Variants in IPO5 observed in about 807,000 individuals in gnomAD.
IPO5 encodes the protein importin 5, also known as importin-5.
A neutral mutation model predicts 143.3 loss-of-function variants in IPO5; 18 were observed. That is an observed-to-expected ratio of 0.13 (90% CI 0.09 to 0.19). The LOEUF is 0.19. Ranked by LOEUF, IPO5 falls within the 10% of genes least tolerant of loss-of-function variation. The pLI, the probability that IPO5 is intolerant of heterozygous loss-of-function variation, is 1.00. For missense variants in IPO5, 1,013 were observed against 1,336.9 expected (o/e 0.76, Z 3.78); for synonymous variants, 477 against 465.7 (o/e 1.02, Z -0.31).
chr13:97,973,669 C>G (rs776526482), intron 3 of IPO5, among the ~76,000 whole-genome samples: 25 of 152,316 alleles, frequency 1.6e-4, no homozygotes, highest in Admixed American at 1.0e-3. Context: ...TAAAATAAGG[C>G]TGGGCTGTGA....
intron 17 of IPO5, 27 bp from the exon 18 acceptor site, chr13:98,008,032 A>C (rs1889411594): frequency 6.8e-7 from 1 of 1,470,856 alleles, no homozygotes; most frequent in South Asian, 1.2e-5. Flanking sequence ...GGTATCAACA[A>C]GTGTGTCTCT....
chr13:98,014,107 G>A lies in IPO5; in HGVS notation c.2218G>A (p.Glu740Lys). The A allele has an allele frequency of 6.2e-7, 1 of 1,614,022 alleles. No homozygotes were observed. Among genetic ancestry groups the A allele is most frequent in the African/African-American group, 1.3e-5 (1 of 75,026 alleles). The change falls in exon 22 of 29, where the codon GAG (glutamate) becomes AAG (lysine). Residue 740 changes from glutamate to lysine, a missense_variant. Physicochemically the swap from Glu to Lys is moderately conservative, Grantham distance 56. Coordinates refer to ENST00000651721, the MANE Select transcript of IPO5 (RefSeq NM_002271.6). ...LLECARVRGP[E>K]YLTQMWHFMC... ...GGAGTGTGCAAGAGTCCGTGGTCCTGAGTATCTCACACAGATGTGGCATTT... is the reference window on the plus strand; with the variant it reads ...GGAGTGTGCAAGAGTCCGTGGTCCTAAGTATCTCACACAGATGTGGCATTT...
At chr13:97,990,594 T>G (rs1594077888) in intron 9 of IPO5, 57 bp downstream of exon 9, 2 of 937,276 alleles carry the variant, frequency 2.1e-6, no homozygotes, top group Non-Finnish European at 1.6e-6. Flanking sequence ...CTTTAATGCA[T>G]TCAATCATTT....
chr13:97,982,333 A>G (rs1289564656), intron 4 of IPO5, among the ~76,000 whole-genome samples, 170 bp from the exon 5 acceptor site: 1 of 152,240 alleles, frequency 6.6e-6, no homozygotes, highest in Non-Finnish European at 1.5e-5. Context: ...AACCCTTTGG[A>G]CATCTCTTCC....
chr13:97,980,494 C>G (rs144147150), intron 4 of IPO5, among the ~76,000 whole-genome samples: 4 of 152,098 alleles, frequency 2.6e-5, no homozygotes, highest in African/African-American at 9.7e-5. Context: ...GAGTAGGGAG[C>G]CTCAGGATTT....
At chr13:97,981,430 C>T in intron 4 of IPO5, 1 of 319,076 alleles carries the variant, frequency 3.1e-6, no homozygotes, top group Non-Finnish European at 6.1e-6. Context: ...GCCTTTATTT[C>T]CTTATCTGTT....
At chr13:97,984,023 G>A (rs1887109522) in intron 5 of IPO5, among the ~76,000 whole-genome samples, 1 of 116,208 alleles carries the variant, frequency 8.6e-6, no homozygotes, top group African/African-American at 3.3e-5. Context: ...CTGTCGCCCA[G>A]GCTGGAGTGC....
intron 6 of IPO5, among the ~76,000 whole-genome samples, chr13:97,986,298 T>C (rs1566496324): frequency 6.6e-6 from 1 of 152,290 alleles, no homozygotes; most frequent in East Asian, 1.9e-4. Flanking sequence ...CTTTTGCTGT[T>C]GTATATGTGT....
In IPO5 at chr13:98,009,839, C is replaced by G. The variant is rs1246579718; in HGVS notation, c.1801-42C>G. On this transcript the variant is annotated intron_variant, in intron 18 of 28. Transcript: ENST00000651721. ...AATGGCTTTCTTTATCACGTTTACC[C>G]ATTGTTTTTTAATCTATTTTAATTT... is the stretch of plus-strand genomic sequence containing the variant. The G allele has an allele frequency of 2.8e-6, 4 of 1,442,754 alleles. No individual in the cohort carries two copies. The Admixed American group carries it at 8.4e-5, about 30-fold the overall frequency. 89.4% of individuals were successfully genotyped at this position (1,442,754 alleles called of 1,614,324 possible). A position where few individuals can be genotyped will look rare whatever the true frequency, so the allele number is the denominator to read the frequency against.
chr13:97,998,227 G>A (rs993426671), intron 12 of IPO5, among the ~76,000 whole-genome samples: 2 of 152,142 alleles, frequency 1.3e-5, no homozygotes, highest in Non-Finnish European at 2.9e-5. Flanking sequence ...CGCCCGCCTC[G>A]GCCTCCCAAA....
intron 21 of IPO5, among the ~76,000 whole-genome samples, chr13:98,013,223 T>C (rs1276418111): frequency 2.0e-5 from 3 of 152,074 alleles, no homozygotes; most frequent in Admixed American, 2.0e-4. Context: ...GCCCAGCTAA[T>C]TTTTTGTATT....
intron 20 of IPO5, among the ~76,000 whole-genome samples, chr13:98,011,028 G>T (rs1256699760): frequency 2.0e-5 from 3 of 151,616 alleles, no homozygotes; most frequent in Non-Finnish European, 4.4e-5. Context: ...TGATCCGCCT[G>T]CCATGACCTG....
Position 98,014,194 on chromosome 13 carries a change from A to G in IPO5, c.2305A>G (p.Ile769Val). The change falls in exon 22 of 29, where the codon ATA becomes GTA. Residue 769 changes from isoleucine (I) to valine (V), a missense_variant. Physicochemically the swap from Ile to Val is conservative, Grantham distance 29. Around this residue, in one of 2 missense-constraint regions of IPO5, gnomAD observed 685 missense variants for 994.9 expected, o/e 0.69. Transcript: ENST00000651721. ...TEPDSDVLSE[I>V]MHSFAKCIEV... ...ACCAGATTCAGACGTCCTCTCAGAA[A>G]TAATGCATTCTTTTGCAAAGGTGAA... 6.2e-7 allele frequency: 1 copy of G among 1,610,862 alleles called. No homozygotes were observed. Among genetic ancestry groups the G allele is most frequent in the Non-Finnish European group, 8.5e-7 (1 of 1,178,066 alleles).
At chr13:98,010,956 T>C (rs138955677) in intron 20 of IPO5, among the ~76,000 whole-genome samples, 5,377 of 151,482 alleles carry the variant, frequency 0.035, 133 homozygotes, top group Middle Eastern at 0.065. Context: ...ACTTTTTGTA[T>C]TTTTAGTAGA....
In IPO5 at chr13:98,002,680, C is replaced by G. The variant is rs1888907542; in HGVS notation, c.1234-4C>G. The stretch of plus-strand genomic sequence containing the variant: ...TTTTACTAATGAAAGGGAACATTTT[C>G]CAGCATCCAAGAGTAAGGTATGCAG... On this transcript the variant is annotated splice_region_variant and splice_polypyrimidine_tract_variant and intron_variant, in intron 14 of 28. Transcript: ENST00000651721. 3 of 1,607,340 alleles carry G rather than the reference C, an allele frequency of 1.9e-6. No individual in the cohort carries two copies. In the African/African-American group the frequency reaches 4.0e-5, roughly 22 times the overall value.
At chr13:97,972,843 T>C (rs1266959046) in intron 3 of IPO5, among the ~76,000 whole-genome samples, 1 of 151,920 alleles carries the variant, frequency 6.6e-6, no homozygotes, top group East Asian at 2.0e-4. Flanking sequence ...ATCCCCATTT[T>C]ATAGATGAGA....
At position 98,019,188 on chromosome 13, in the gene IPO5, G is replaced by A. The variant is rs769338703; in HGVS notation, c.2837-393G>A. Among the ~76,000 whole-genome samples, 17 of 152,062 alleles carry A rather than the reference G, an allele frequency of 1.1e-4. No homozygotes were observed. In the East Asian group the frequency reaches 1.2e-3, roughly 10 times the overall value. ...AGGATGGTCTCGATCTCCTGACCTCGTGATCGGCCCACCTCAGCCTCCCAA... is the reference window on the plus strand; with the variant it reads ...AGGATGGTCTCGATCTCCTGACCTCATGATCGGCCCACCTCAGCCTCCCAA... On this transcript the variant is annotated intron_variant, in intron 26 of 28. Transcript: ENST00000651721.
intron 3 of IPO5, chr13:97,975,986 C>G: frequency 1.0e-6 from 1 of 984,724 alleles, no homozygotes; most frequent in Non-Finnish European, 1.2e-6. Flanking sequence ...GCGAGAAGTC[C>G]GTGAGTAGAA....
intron 21 of IPO5, among the ~76,000 whole-genome samples, chr13:98,013,083 G>A (rs1889846734): frequency 6.6e-6 from 1 of 151,970 alleles, no homozygotes; most frequent in African/African-American, 2.4e-5. Context: ...TTGACACAGG[G>A]TCTCACTCTG....
Sources: gnomAD v4.1 joint callset for allele counts (sites outside exome capture counted in the v4.1 genomes callset) on GRCh38, gnomAD v4.1.1 for gene constraint, gnomAD v4.1.1 regional missense constraint, MANE v1.5 for transcripts, NCBI Gene and HGNC (gene_info 2026-07-23, HGNC 2026-07-21) for gene names.